Variants in ATAD2B observed in about 807,000 individuals in gnomAD.
ATAD2B encodes the protein ATPase family AAA domain-containing protein 2B.
Under a neutral mutation model 167.6 loss-of-function variants are expected in ATAD2B, and 40 were observed. That is an observed-to-expected ratio of 0.24 (90% CI 0.19 to 0.31). The LOEUF (loss-of-function observed/expected upper bound fraction) is 0.31. ATAD2B is among the 10% of genes least tolerant of loss of function. ATAD2B has a pLI of 1.00. For missense variants in ATAD2B, 1,242 were observed against 1,757.2 expected (o/e 0.71, Z 5.24); for synonymous variants, 579 against 596.5 (o/e 0.97, Z 0.43).
the ATAD2B span, among the ~76,000 whole-genome samples, chr2:23,686,186 G>T: frequency 6.6e-6 from 1 of 152,132 alleles, no homozygotes; most frequent in South Asian, 2.1e-4. Flanking sequence ...GGGCTGCACT[G>T]GGGCAGGCAA....
intron 1 of ATAD2B, among the ~76,000 whole-genome samples, chr2:23,904,537 CT>C (rs34666567): frequency 0.032 from 4,357 of 137,642 alleles, 201 homozygotes; most frequent in African/African-American, 0.11. Context: ...ATTTTCCTTC[CT>C]TTTTTTTTTT....
chr2:23,776,403 T>G (rs1679137641), intron 22 of ATAD2B, among the ~76,000 whole-genome samples: 1 of 152,236 alleles, frequency 6.6e-6, no homozygotes, highest in African/African-American at 2.4e-5. Flanking sequence ...TGCCTTGACC[T>G]CTACCCCAAA....
chr2:23,684,482 G>C, the ATAD2B span: 1 of 1,551,252 alleles, frequency 6.4e-7, no homozygotes, highest in South Asian at 1.2e-5. This position sits in a 1 kb window ranked among gnomAD's most constrained non-coding sequence, Gnocchi z 4.4. Flanking sequence ...AGAGTTTGAA[G>C]TCCACCAAAA....
At chr2:23,724,243 T>A in the ATAD2B span, among the ~76,000 whole-genome samples, 1 of 152,080 alleles carries the variant, frequency 6.6e-6, no homozygotes, top group Admixed American at 6.5e-5. Flanking sequence ...CAATAATATA[T>A]AGTTTCAAAT....
chr2:23,744,787 C>T (rs1674727478), downstream of ATAD2B, among the ~76,000 whole-genome samples: 1 of 152,206 alleles, frequency 6.6e-6, no homozygotes, highest in East Asian at 1.9e-4. Flanking sequence ...TCAAAATCAT[C>T]ACAGTGGCTG....
intron 8 of ATAD2B, 90 bp downstream of exon 8, chr2:23,875,739 G>A (rs1696726811): frequency 4.7e-6 from 4 of 853,364 alleles, no homozygotes; most frequent in South Asian, 4.5e-5. Context: ...TAAATAGGAT[G>A]ACAACTGTTA....
At chr2:23,816,214 T>C (rs1686427077) in intron 17 of ATAD2B, among the ~76,000 whole-genome samples, 1 of 152,200 alleles carries the variant, frequency 6.6e-6, no homozygotes, top group South Asian at 2.1e-4. Context: ...TGTAAACTAG[T>C]ACAAGCCTTC....
chr2:23,789,056 C>G (rs910245602), intron 19 of ATAD2B, among the ~76,000 whole-genome samples: 1 of 151,518 alleles, frequency 6.6e-6, no homozygotes, highest in Admixed American at 6.6e-5. Flanking sequence ...TTTGTACTCC[C>G]TATCCATTGA....
chr2:23,758,902 T>C (rs1676283564), intron 24 of ATAD2B, among the ~76,000 whole-genome samples: 1 of 152,208 alleles, frequency 6.6e-6, no homozygotes, highest in Non-Finnish European at 1.5e-5. Flanking sequence ...TGCTAGAAAC[T>C]ATCATGAGCT....
At chr2:23,844,965 C>A (rs1691509597) in intron 13 of ATAD2B, among the ~76,000 whole-genome samples, 1 of 147,900 alleles carries the variant, frequency 6.8e-6, no homozygotes, top group Non-Finnish European at 1.5e-5. Context: ...GAAAAAAAAA[C>A]CTAAATGTAC....
At chr2:23,885,014 C>T (rs1428628169) in intron 5 of ATAD2B, 141 bp from the exon 6 acceptor site, 1 of 428,616 alleles carries the variant, frequency 2.3e-6, no homozygotes, top group Non-Finnish European at 4.1e-6. Flanking sequence ...ATGGAGCTTC[C>T]TAAATTCAAT....
chr2:23,834,366 T>G (rs910824993), intron 13 of ATAD2B, among the ~76,000 whole-genome samples: 4 of 151,860 alleles, frequency 2.6e-5, no homozygotes, highest in Non-Finnish European at 5.9e-5. Context: ...TTCGCTATAT[T>G]GGTCAGGCTG....
At chr2:23,863,223 T>C (rs1694680020) in intron 12 of ATAD2B, among the ~76,000 whole-genome samples, 158 bp downstream of exon 12, 2 of 152,138 alleles carry the variant, frequency 1.3e-5, no homozygotes, top group South Asian at 4.1e-4. Flanking sequence ...GCAGGAGAAT[T>C]GCTAGAGCCC....
At chr2:23,855,448 T>C (rs2339931) in intron 13 of ATAD2B, among the ~76,000 whole-genome samples, 5,848 of 152,246 alleles carry the variant, frequency 0.038, 110 homozygotes, top group South Asian at 0.046. Context: ...ACACCACCAA[T>C]TGTTGGCAAG....
rs191612233 is a variant in ATAD2B, at chr2:23,888,880, T to C, written c.369-481A>G. ...CATTTAATCTGACAAATCAAACAGC[T>C]GATTTATCGAAAGAGCCATTTTACA... On this transcript the variant is annotated intron_variant, in intron 2 of 27. Coordinates refer to ENST00000238789, the MANE Select transcript of ATAD2B (RefSeq NM_017552.4). Among the ~76,000 whole-genome samples the C allele has an allele frequency of 5.3e-5, 8 of 152,326 alleles. No individual in the cohort carries two copies. The East Asian group carries it at 1.2e-3, about 22-fold the overall frequency.
intron 18 of ATAD2B, chr2:23,799,884 C>T (rs1683212066): frequency 6.6e-6 from 1 of 152,086 alleles, no homozygotes; most frequent in African/African-American, 2.4e-5. Flanking sequence ...CAATCCAGAA[C>T]AGTTGTACAG....
chr2:23,703,401 A>G, the ATAD2B span: 2 of 1,460,136 alleles, frequency 1.4e-6, no homozygotes, highest in African/African-American at 2.8e-5. Context: ...CGGTGTCCTC[A>G]GCCCAGGGCC....
At chr2:23,736,549 G>C in the ATAD2B span, among the ~76,000 whole-genome samples, 1 of 152,106 alleles carries the variant, frequency 6.6e-6, no homozygotes, top group Non-Finnish European at 1.5e-5. Context: ...AAAACAAAAT[G>C]CTACTTAAAA....
intron 22 of ATAD2B, among the ~76,000 whole-genome samples, chr2:23,775,305 C>T (rs1380919731): frequency 6.6e-6 from 1 of 151,540 alleles, no homozygotes; most frequent in East Asian, 1.9e-4. Context: ...CTTCCACCTC[C>T]TAGGTTCAAG....
Sources: gnomAD v4.1 joint callset for allele counts (sites outside exome capture counted in the v4.1 genomes callset) on GRCh38, gnomAD v4.1.1 for gene constraint, Gnocchi (gnomAD v3.1) non-coding constraint, MANE v1.5 for transcripts, NCBI Gene and HGNC (gene_info 2026-07-23, HGNC 2026-07-21) for gene names.